Variants in PCLO observed in about 807,000 individuals in gnomAD.
The protein encoded by PCLO is protein piccolo.
Under a neutral mutation model 427.5 loss-of-function variants are expected in PCLO, and 82 were observed. That is an observed-to-expected ratio of 0.19 (90% CI 0.16 to 0.23). The LOEUF (loss-of-function observed/expected upper bound fraction) is 0.23, where lower values mean the gene tolerates loss of function less well. Among genes scored for constraint, PCLO ranks in the 10% least tolerant of loss-of-function variants. The pLI, the probability that PCLO is intolerant of heterozygous loss-of-function variation, is 1.00. For synonymous variants in PCLO, 2,357 were observed against 2,155.4 expected, an observed-to-expected ratio of 1.09 and a Z score of -2.59; for missense variants, 6,239 against 6,115.9, an observed-to-expected ratio of 1.02 and a Z score of -0.67.
intron 9 of PCLO, among the ~76,000 whole-genome samples, chr7:82,882,180 A>G (rs1440811640): frequency 2.6e-5 from 4 of 152,164 alleles, no homozygotes; most frequent in Non-Finnish European, 5.9e-5. Flanking sequence ...AATGTTTTAT[A>G]TTTCAAATAT....
chr7:82,869,362 T>C (rs1793174654), intron 10 of PCLO, among the ~76,000 whole-genome samples: 2 of 152,096 alleles, frequency 1.3e-5, no homozygotes, highest in Non-Finnish European at 2.9e-5. Context: ...AAACCTGCAT[T>C]GTGAACTTAT....
At chr7:83,154,560 T>C (rs1792217789) in intron 2 of PCLO, among the ~76,000 whole-genome samples, 188 bp downstream of exon 2, 1 of 152,160 alleles carries the variant, frequency 6.6e-6, no homozygotes, top group Non-Finnish European at 1.5e-5. Context: ...ATTGTGGCAA[T>C]GTTTGAGGCT....
intron 6 of PCLO, among the ~76,000 whole-genome samples, chr7:82,947,221 T>C (rs911541289): frequency 3.3e-5 from 5 of 152,114 alleles, no homozygotes; most frequent in African/African-American, 1.2e-4. Context: ...GGAGAACAGA[T>C]TGATTCAGAA....
intron 3 of PCLO, among the ~76,000 whole-genome samples, chr7:82,978,861 C>CACACACACACACACAA (rs1796085276): frequency 2.5e-5 from 1 of 39,748 alleles, no homozygotes; most frequent in African/African-American, 8.2e-5. Context: ...CACACAAACA[C>CACACACACACACACAA]ACACACACAC....
At chr7:83,029,238 C>T (rs1190605277) in intron 3 of PCLO, among the ~76,000 whole-genome samples, 2 of 142,980 alleles carry the variant, frequency 1.4e-5, no homozygotes. Context: ...CCAGAATCTA[C>T]AATGAACTCA....
intron 9 of PCLO, among the ~76,000 whole-genome samples, chr7:82,892,396 C>G (rs1793791196): frequency 1.3e-5 from 2 of 152,234 alleles, no homozygotes; most frequent in Non-Finnish European, 2.9e-5. Flanking sequence ...GAAACTGGAT[C>G]CCTTCCTTAC....
rs933530702 is a variant in PCLO, at chr7:83,124,274, G to A, written c.3300+9976C>T. ...GGAGCTTGCAGTGAGCCGAGATAGC[G>A]CCACTGCACTCTGAGCTTGCAGTGA... On this transcript the variant is annotated intron_variant, in intron 3 of 24. Coordinates refer to ENST00000333891, the MANE Select transcript of PCLO (RefSeq NM_033026.6). 6.0e-5 allele frequency among the ~76,000 whole-genome samples: 9 copies of A among 149,296 alleles called. No homozygotes were observed. The East Asian group carries it at 9.9e-4, about 16-fold the overall frequency.
intron 3 of PCLO, among the ~76,000 whole-genome samples, chr7:83,123,228 A>G (rs866043219): frequency 1.6e-4 from 25 of 152,290 alleles, no homozygotes; most frequent in Middle Eastern, 3.4e-3. Context: ...AAATTATACT[A>G]CAGTGCTGTA....
chr7:82,881,267 A>G (rs906901025), intron 9 of PCLO, among the ~76,000 whole-genome samples: 2 of 152,204 alleles, frequency 1.3e-5, no homozygotes, highest in Non-Finnish European at 2.9e-5. Flanking sequence ...GGCATGAAGG[A>G]CTTACAAAAA....
chr7:83,118,274 C>A (rs1791183038), intron 3 of PCLO, among the ~76,000 whole-genome samples: 1 of 152,072 alleles, frequency 6.6e-6, no homozygotes, highest in African/African-American at 2.4e-5. Context: ...CAGGTAATCA[C>A]AGGAAGGCAG....
intron 10 of PCLO, among the ~76,000 whole-genome samples, chr7:82,853,618 C>T (rs1792725146): frequency 6.6e-6 from 1 of 152,110 alleles, no homozygotes; most frequent in South Asian, 2.1e-4. Context: ...ATTTGCCTAT[C>T]TCTCAATAAA....
At chr7:83,103,040 A>T (rs899868810) in intron 3 of PCLO, among the ~76,000 whole-genome samples, 15 of 151,996 alleles carry the variant, frequency 9.9e-5, no homozygotes, top group African/African-American at 3.6e-4. Context: ...TATAATATTG[A>T]TTGGCTATTT....
chr7:83,051,072 TAAAG>T (rs1789242479), intron 3 of PCLO, among the ~76,000 whole-genome samples: 1 of 152,134 alleles, frequency 6.6e-6, no homozygotes, highest in African/African-American at 2.4e-5. Flanking sequence ...CTCAACTTGA[TAAAG>T]AACTTCTACA....
At chr7:82,830,544 T>C (rs920188804) in intron 16 of PCLO, among the ~76,000 whole-genome samples, 2 of 152,032 alleles carry the variant, frequency 1.3e-5, no homozygotes, top group Admixed American at 6.6e-5. Flanking sequence ...GCTATTCTCA[T>C]AGGTGAATAT....
At chr7:82,885,757 T>G (rs1793612887) in intron 9 of PCLO, among the ~76,000 whole-genome samples, 1 of 151,242 alleles carries the variant, frequency 6.6e-6, no homozygotes, top group South Asian at 2.1e-4. Flanking sequence ...AATTACATTA[T>G]CTCATTGGAT....
intron 3 of PCLO, among the ~76,000 whole-genome samples, chr7:82,977,377 CTTTTTT>C (rs1796041603): frequency 7.3e-6 from 1 of 136,800 alleles, no homozygotes; most frequent in African/African-American, 2.7e-5. Flanking sequence ...CAAAATTCAT[CTTTTTT>C]ATTTATTTAT....
intron 17 of PCLO, 144 bp downstream of exon 17, chr7:82,827,726 TCCA>T: frequency 2.0e-6 from 1 of 498,306 alleles, no homozygotes; most frequent in African/African-American, 2.0e-5. Flanking sequence ...CTCATTTTTT[TCCA>T]TTGGCTACAT....
intron 3 of PCLO, among the ~76,000 whole-genome samples, chr7:83,013,743 A>G (rs1054675623): frequency 6.6e-6 from 1 of 152,242 alleles, no homozygotes; most frequent in Admixed American, 6.5e-5. Flanking sequence ...GCTTTCTTAG[A>G]GTCTTCTAAT....
At chr7:83,146,660 G>A (rs946145523) in intron 2 of PCLO, among the ~76,000 whole-genome samples, 4 of 149,920 alleles carry the variant, frequency 2.7e-5, no homozygotes, top group East Asian at 2.0e-4. Flanking sequence ...GCAGTGGCAC[G>A]ACCTAGGCTC....
Sources: gnomAD v4.1 joint callset for allele counts (sites outside exome capture counted in the v4.1 genomes callset) on GRCh38, gnomAD v4.1.1 for gene constraint, MANE v1.5 for transcripts, NCBI Gene and HGNC (gene_info 2026-07-23, HGNC 2026-07-21) for gene names.